Variants in DYM observed in about 807,000 individuals in gnomAD.
DYM encodes the protein dymeclin.
Under a neutral mutation model 93.1 loss-of-function variants are expected in DYM, and 78 were observed. That is an observed-to-expected ratio of 0.84 (90% confidence interval 0.70 to 1.01). The LOEUF is 1.01. Ranked by LOEUF, DYM falls within the 50% of genes least tolerant of loss-of-function variation. DYM has a pLI of 0.00. For synonymous variants in DYM, 321 were observed against 319.7 expected, an observed-to-expected ratio of 1.00 and a Z score of -0.04; for missense variants, 789 against 845.0, an observed-to-expected ratio of 0.93 and a Z score of 0.82.
intron 14 of DYM, among the ~76,000 whole-genome samples, chr18:49,173,197 C>A (rs2088968091): frequency 6.6e-6 from 1 of 152,118 alleles, no homozygotes; most frequent in South Asian, 2.1e-4. Context: ...ACACTATTAT[C>A]CCACTGTCTT....
intron 15 of DYM, among the ~76,000 whole-genome samples, chr18:49,131,189 T>A (rs1206457023): frequency 6.6e-6 from 1 of 152,080 alleles, no homozygotes; most frequent in African/African-American, 2.4e-5. Flanking sequence ...ATATCCAACT[T>A]TAAGGTGACA....
At chr18:49,179,403 G>A (rs1457815589) in intron 14 of DYM, among the ~76,000 whole-genome samples, 1 of 152,082 alleles carries the variant, frequency 6.6e-6, no homozygotes, top group East Asian at 1.9e-4. Flanking sequence ...GACACCTACT[G>A]TAAAGTTTCT....
At chr18:49,281,356 G>C (rs1959813175) in intron 10 of DYM, among the ~76,000 whole-genome samples, 1 of 152,180 alleles carries the variant, frequency 6.6e-6, no homozygotes, top group Admixed American at 6.5e-5. Flanking sequence ...CTGTTGGTGG[G>C]ACTGTAAACT....
chr18:49,363,116 A>G, intron 6 of DYM, 45 bp downstream of exon 6: 1 of 1,450,228 alleles, frequency 6.9e-7, no homozygotes, highest in Non-Finnish European at 9.7e-7. Flanking sequence ...ATTATCTGCC[A>G]TATACAAAGA....
intron 17 of DYM, among the ~76,000 whole-genome samples, chr18:49,058,744 T>C (rs1171764581): frequency 1.3e-5 from 2 of 152,212 alleles, no homozygotes; most frequent in East Asian, 1.9e-4. Context: ...GAAACACCCA[T>C]AAAACATTTT....
chr18:49,338,416 A>C (rs2063830124), intron 6 of DYM, among the ~76,000 whole-genome samples: 1 of 152,228 alleles, frequency 6.6e-6, no homozygotes, highest in Non-Finnish European at 1.5e-5. Context: ...GGAACTGCAT[A>C]AATTGACTCA....
chr18:49,108,559 T>A (rs1189693940), intron 16 of DYM, among the ~76,000 whole-genome samples: 2 of 152,202 alleles, frequency 1.3e-5, no homozygotes, highest in Non-Finnish European at 2.9e-5. Flanking sequence ...TCTTACTGAT[T>A]TCTATTCAAT....
intron 15 of DYM, among the ~76,000 whole-genome samples, chr18:49,153,085 G>C (rs2086001628): frequency 6.6e-6 from 1 of 152,158 alleles, no homozygotes; most frequent in Non-Finnish European, 1.5e-5. Context: ...CGTGATATTT[G>C]CTAAGAGAGT....
At position 49,282,148 on chromosome 18, in the gene DYM, G is replaced by A. The variant is rs770826283; in HGVS notation, c.974C>T (p.Pro325Leu). The change falls in exon 10 of 18, where the codon CCA becomes CTA. Residue 325 changes from proline (P) to leucine (L), a missense_variant. Around this residue, in one of 3 missense-constraint regions of DYM, gnomAD observed 450 missense variants for 436.2 expected, o/e 1.03. Coordinates refer to ENST00000675505, the MANE Select transcript of DYM (RefSeq NM_001353214.3). ...QDSSPFPSSI[P>L]HAFQINFNSL... ...ATTAAAGTTGATCTGGAAGGCATGT[G>A]GAATTGATGAGGGGAAAGGACTGCT... is the stretch of plus-strand genomic sequence containing the variant. 6.2e-7 allele frequency: 1 copy of A among 1,613,878 alleles called. No individual in the cohort carries two copies. Among genetic ancestry groups the A allele is most frequent in the Admixed American group, 1.7e-5 (1 of 60,010 alleles).
chr18:49,202,864 C>T (rs1466209466), intron 14 of DYM, among the ~76,000 whole-genome samples: 5 of 102,856 alleles, frequency 4.9e-5, no homozygotes, highest in Admixed American at 3.3e-4. Context: ...AAGTGAGGAG[C>T]GTCTCCGCCC....
intron 8 of DYM, among the ~76,000 whole-genome samples, chr18:49,289,748 TATATATATATATATATATATATATACAC>T (rs1311851848): frequency 7.3e-5 from 3 of 41,172 alleles, no homozygotes; most frequent in Non-Finnish European, 1.4e-4. Context: ...TATATATATA[TATATATATATATATATATATATATACAC>T]ATATATATAT....
chr18:49,280,095 G>T (rs1322775982), intron 10 of DYM, among the ~76,000 whole-genome samples: 1 of 152,162 alleles, frequency 6.6e-6, no homozygotes, highest in Admixed American at 6.5e-5. Context: ...TGTATTAAGG[G>T]TCCATAGTTA....
chr18:49,432,683 C>T (rs956135508), intron 1 of DYM, among the ~76,000 whole-genome samples: 5 of 146,626 alleles, frequency 3.4e-5, no homozygotes, highest in African/African-American at 1.3e-4. Flanking sequence ...GTGATTATAG[C>T]TCATTGTAAC....
rs540427777 is a variant in DYM at position 49,090,024 on chromosome 18, T to A, written c.2025+7378A>T. ...GCAAATGTGTGTGTGTGTGCACGTG[T>A]GCATGTCAGACCATGGAGTTCATAA... On this transcript the variant is annotated intron_variant, in intron 17 of 17. Coordinates refer to ENST00000675505, the MANE Select transcript of DYM (RefSeq NM_001353214.3). Among the ~76,000 whole-genome samples, 3 of 152,348 alleles carry A rather than the reference T, an allele frequency of 2.0e-5. No individual in the cohort carries two copies. In the East Asian group the frequency reaches 5.8e-4, roughly 29 times the overall value.
rs79000576 is a variant in DYM at position 49,383,012 on chromosome 18, G to A, written c.194-3254C>T. On this transcript the variant is annotated intron_variant, in intron 3 of 17. Transcript: ENST00000675505. ...CAATGTAGAGAAAATACAGAGGAGA[G>A]AGGACAAGATGACCCCACGCAAGGA... is the stretch of plus-strand genomic sequence containing the variant. Among the ~76,000 whole-genome samples the A allele has an allele frequency of 1.8e-3, 269 of 152,306 alleles. 4 individuals carry two copies. In the East Asian group the frequency reaches 0.033, roughly 19 times the overall value.
At chr18:49,333,313 G>A (rs770797900) in intron 7 of DYM, among the ~76,000 whole-genome samples, 6 of 152,196 alleles carry the variant, frequency 3.9e-5, no homozygotes, top group East Asian at 1.9e-4. Context: ...AATAGTCAGC[G>A]AAGAGGCTGC....
chr18:49,332,068 C>G, intron 7 of DYM, 62 bp from the exon 8 acceptor site: 1 of 1,482,562 alleles, frequency 6.7e-7, no homozygotes, highest in Non-Finnish European at 9.3e-7. Flanking sequence ...TTCTGAATAA[C>G]AATACAGAAA....
At chr18:49,084,968 A>G (rs1015280097) in intron 17 of DYM, among the ~76,000 whole-genome samples, 4 of 152,200 alleles carry the variant, frequency 2.6e-5, no homozygotes, top group Admixed American at 2.0e-4. Context: ...GGCAATGACC[A>G]TTTCTTGATA....
At chr18:49,439,854 T>C (rs1243137142) in intron 1 of DYM, among the ~76,000 whole-genome samples, 2 of 151,536 alleles carry the variant, frequency 1.3e-5, no homozygotes, top group African/African-American at 4.9e-5. Flanking sequence ...ATTTACAAAT[T>C]AGCCAGGCAA....
Sources: gnomAD v4.1 joint callset for allele counts (sites outside exome capture counted in the v4.1 genomes callset) on GRCh38, gnomAD v4.1.1 for gene constraint, gnomAD v4.1.1 regional missense constraint, MANE v1.5 for transcripts, NCBI Gene and HGNC (gene_info 2026-07-23, HGNC 2026-07-21) for gene names.